CHD1L: variants seen among roughly 807,000 people sequenced by gnomAD.
The protein encoded by CHD1L is ATP-dependent chromatin remodeler CHD1L.
CHD1L carries 118 observed loss-of-function variants against 115.9 expected under a neutral mutation model. The observed-to-expected ratio is 1.02, with a 90% CI of 0.88 to 1.19. The LOEUF is 1.19. Ranked by LOEUF, CHD1L falls within the 50% of genes most tolerant of loss-of-function variation. The pLI is 0.00. For missense variants in CHD1L, 1,179 were observed against 1,065.3 expected (o/e 1.11, Z -1.49); for synonymous variants, 411 against 387.1 (o/e 1.06, Z -0.72).
the CHD1L span, chr1:147,204,771 T>C: frequency 6.4e-7 from 1 of 1,572,752 alleles, no homozygotes; most frequent in African/African-American, 1.3e-5. Context: ...TGATAACCAT[T>C]TTTTTCATTC....
At chr1:147,187,293 T>C in the CHD1L span, 69 of 1,402,332 alleles carry the variant, frequency 4.9e-5, no homozygotes, top group Middle Eastern at 3.7e-4. Context: ...ATTCAATCAG[T>C]CAGTCAATCA....
At position 147,272,429 on chromosome 1, in the gene CHD1L, G is replaced by A. The variant is rs888170409; in HGVS notation, c.1270+148G>A. 1.7e-5 allele frequency: 10 copies of A among 579,776 alleles called. No individual in the cohort carries two copies. In the South Asian group the frequency reaches 2.0e-4, roughly 12 times the overall value. The allele number at this position is 579,776 out of a possible 1,614,324, so 35.9% of individuals were successfully genotyped here. On this transcript the variant is annotated intron_variant, in intron 12 of 22. Transcript: ENST00000369258. ...AACAAGGTACTGGACATCAAGCATG[G>A]TGCTGTTTTCTATCCAGCCTGTCCA...
the CHD1L span, among the ~76,000 whole-genome samples, chr1:147,227,859 C>A: frequency 6.6e-6 from 1 of 152,136 alleles, no homozygotes; most frequent in Admixed American, 6.5e-5. Flanking sequence ...TTTTCTAATT[C>A]TTTCTATTAC....
At chr1:147,201,170 C>A in the CHD1L span, 6 of 1,612,684 alleles carry the variant, frequency 3.7e-6, no homozygotes, top group Non-Finnish European at 3.4e-6. Context: ...ACCTGAGTGG[C>A]CCAGCGTCCT....
At chr1:147,246,816 AG>A (rs1354137389) in intron 1 of CHD1L, among the ~76,000 whole-genome samples, 1 of 152,156 alleles carries the variant, frequency 6.6e-6, no homozygotes, top group Non-Finnish European at 1.5e-5. Flanking sequence ...GTCTTACAAA[AG>A]TTTTAAATTT....
chr1:147,213,218 T>C, the CHD1L span: 15 of 1,046,024 alleles, frequency 1.4e-5, no homozygotes, highest in Non-Finnish European at 1.7e-5. Context: ...CATTCCAAAG[T>C]AGGAATTACT....
the CHD1L span, chr1:147,187,300 A>G: frequency 1.5e-6 from 2 of 1,311,600 alleles, no homozygotes; most frequent in Non-Finnish European, 2.1e-6. Context: ...CAGTCAGTCA[A>G]TCAATTACTG....
chr1:147,181,317 A>G, the CHD1L span, among the ~76,000 whole-genome samples: 3 of 152,308 alleles, frequency 2.0e-5, no homozygotes, highest in African/African-American at 7.2e-5. Context: ...TGTACAAACA[A>G]TGTGATTTAT....
At chr1:147,182,835 T>G in the CHD1L span, among the ~76,000 whole-genome samples, 1 of 152,202 alleles carries the variant, frequency 6.6e-6, no homozygotes, top group Non-Finnish European at 1.5e-5. Context: ...TTATGTCTTA[T>G]GTTTGATTGA....
the CHD1L span, chr1:147,178,749 T>C: frequency 6.3e-7 from 1 of 1,594,674 alleles, no homozygotes; most frequent in Non-Finnish European, 8.6e-7. Context: ...CACATCTCAC[T>C]AACAAGTTGG....
At chr1:147,244,064 T>C (rs1553932700) in intron 1 of CHD1L, among the ~76,000 whole-genome samples, 1 of 152,218 alleles carries the variant, frequency 6.6e-6, no homozygotes, top group East Asian at 1.9e-4. Context: ...TGTAGACTGG[T>C]CTTTTTATGT....
chr1:147,295,061 T>C (rs1687039148), intron 22 of CHD1L, among the ~76,000 whole-genome samples: 2 of 152,202 alleles, frequency 1.3e-5, no homozygotes, highest in African/African-American at 4.8e-5. Context: ...TGAACTATTA[T>C]ATTGAGTCCC....
At chr1:147,260,225 G>C (rs587731148) in intron 6 of CHD1L, 84 of 227,662 alleles carry the variant, frequency 3.7e-4, no homozygotes, top group African/African-American at 1.9e-3. Flanking sequence ...CTGTAGGTTT[G>C]GACAAATGTA....
At chr1:147,293,754 T>C in intron 21 of CHD1L, 32 bp downstream of exon 21, 1 of 1,562,874 alleles carries the variant, frequency 6.4e-7, no homozygotes, top group Non-Finnish European at 8.8e-7. Context: ...CAAGAGTAGA[T>C]GAATTTGTTT....
chr1:147,293,937 C>T (rs1349218988), intron 21 of CHD1L, among the ~76,000 whole-genome samples: 1 of 151,858 alleles, frequency 6.6e-6, no homozygotes, highest in Non-Finnish European at 1.5e-5. Flanking sequence ...CGTCTCCATC[C>T]CCCGGGTATT....
At chr1:147,262,455 C>G (rs1672293646) in intron 6 of CHD1L, among the ~76,000 whole-genome samples, 1 of 152,076 alleles carries the variant, frequency 6.6e-6, no homozygotes. Context: ...CAAAATGGAC[C>G]TAACTGAATC....
chr1:147,221,913 A>C, the CHD1L span, among the ~76,000 whole-genome samples: 1 of 152,270 alleles, frequency 6.6e-6, no homozygotes, highest in South Asian at 2.1e-4. Context: ...AAGAGTGAGC[A>C]CAGAGCAGTA....
At chr1:147,246,020 A>G (rs1258766654) in intron 1 of CHD1L, among the ~76,000 whole-genome samples, 1 of 152,178 alleles carries the variant, frequency 6.6e-6, no homozygotes, top group Admixed American at 6.5e-5. Context: ...GGATCCCTCA[A>G]CTTGCACTTT....
At chr1:147,226,483 A>T in the CHD1L span, among the ~76,000 whole-genome samples, 1,458 of 152,318 alleles carry the variant, frequency 9.6e-3, 22 homozygotes, top group African/African-American at 0.033. Context: ...GTAACCAAAA[A>T]TACAAAATAT....
Sources: gnomAD v4.1 joint callset for allele counts (sites outside exome capture counted in the v4.1 genomes callset) on GRCh38, gnomAD v4.1.1 for gene constraint, MANE v1.5 for transcripts, NCBI Gene and HGNC (gene_info 2026-07-23, HGNC 2026-07-21) for gene names.